NUP210L: variants seen among roughly 807,000 people sequenced by gnomAD.
NUP210L encodes the protein nuclear pore membrane glycoprotein 210-like.
Under a neutral mutation model 208.5 loss-of-function variants are expected in NUP210L, and 74 were observed. The ratio of observed to expected loss-of-function variants is 0.35; its 90% confidence interval spans 0.29 to 0.43. The LOEUF (loss-of-function observed/expected upper bound fraction) is 0.43, where lower values mean the gene tolerates loss of function less well. Among genes scored for constraint, NUP210L ranks in the 20% least tolerant of loss-of-function variants. The probability of loss-of-function intolerance (pLI) is 1.00; values close to 1 mark genes in which losing one functional copy is unlikely to be tolerated. For missense variants in NUP210L, 1,843 were observed against 2,289.4 expected (o/e 0.81, Z 3.98); for synonymous variants, 780 against 816.9 (o/e 0.95, Z 0.77).
At chr1:154,116,792 T>C (rs1657356350) in intron 12 of NUP210L, among the ~76,000 whole-genome samples, 1 of 152,158 alleles carries the variant, frequency 6.6e-6, no homozygotes, top group Non-Finnish European at 1.5e-5. Flanking sequence ...AAAAGAGTTT[T>C]CAATCTTTTA....
chr1:154,001,716 G>C lies in NUP210L; in HGVS notation c.5181+19C>G, dbSNP rs756865069. 1 of 1,610,188 alleles carries C rather than the reference G, an allele frequency of 6.2e-7. No individual in the cohort carries two copies. Among genetic ancestry groups the C allele is most frequent in the Admixed American group, 1.7e-5 (1 of 59,842 alleles). Reference sequence around the variant, plus strand: ...AATTCCTGATCTCTTGTTCTGTTTTGGTTCAGTTCTTAACATACCTCTAGC... The same window carrying C: ...AATTCCTGATCTCTTGTTCTGTTTTCGTTCAGTTCTTAACATACCTCTAGC... On this transcript the variant is annotated intron_variant, in intron 36 of 39. Transcript: ENST00000368559.
chr1:154,122,015 AACTC>A (rs1657639311), intron 10 of NUP210L, among the ~76,000 whole-genome samples: 2 of 152,220 alleles, frequency 1.3e-5, no homozygotes, highest in Admixed American at 1.3e-4. Context: ...CTCTTTGAAA[AACTC>A]AATAACATTT....
At chr1:154,084,431 T>G (rs1655518384) in intron 16 of NUP210L, among the ~76,000 whole-genome samples, 1 of 151,694 alleles carries the variant, frequency 6.6e-6, no homozygotes, top group African/African-American at 2.4e-5. Context: ...AGGCTGGTCT[T>G]GAACTTCTGA....
intron 37 of NUP210L, among the ~76,000 whole-genome samples, chr1:153,997,341 A>T (rs372172573): frequency 6.7e-6 from 1 of 150,146 alleles, no homozygotes; most frequent in Non-Finnish European, 1.5e-5. Context: ...AGGTCTCTCT[A>T]TGTTGCGCAG....
At chr1:154,103,667 G>A (rs574785909) in intron 13 of NUP210L, among the ~76,000 whole-genome samples, 3 of 115,556 alleles carry the variant, frequency 2.6e-5, no homozygotes, top group Admixed American at 1.0e-4. Flanking sequence ...GCGAGACTCC[G>A]TCTCAAAAAA....
intron 33 of NUP210L, among the ~76,000 whole-genome samples, chr1:154,017,779 G>T (rs1651343925): frequency 6.6e-6 from 1 of 152,018 alleles, no homozygotes; most frequent in African/African-American, 2.4e-5. Flanking sequence ...GCCTCCCAAG[G>T]TGCTGGGATT....
chr1:154,087,804 AAC>A (rs1378380659), intron 16 of NUP210L, among the ~76,000 whole-genome samples: 1 of 152,210 alleles, frequency 6.6e-6, no homozygotes, highest in Non-Finnish European at 1.5e-5. Flanking sequence ...GAAACTTGAA[AAC>A]ATGCTAAATG....
intron 7 of NUP210L, 83 bp from the exon 8 acceptor site, chr1:154,129,428 C>A: frequency 1.2e-6 from 1 of 834,466 alleles, no homozygotes; most frequent in Non-Finnish European, 2.0e-6. Context: ...AACAAACAAA[C>A]AAATGCACAA....
intron 1 of NUP210L, among the ~76,000 whole-genome samples, 191 bp downstream of exon 1, chr1:154,154,651 T>G (rs112046556): frequency 6.6e-6 from 1 of 152,188 alleles, no homozygotes; most frequent in East Asian, 1.9e-4. Flanking sequence ...ATATACCACA[T>G]GAGTAGGACA....
intron 2 of NUP210L, among the ~76,000 whole-genome samples, chr1:154,149,526 C>A (rs569713405): frequency 6.6e-6 from 1 of 152,168 alleles, no homozygotes; most frequent in East Asian, 1.9e-4. Flanking sequence ...GCCTGAGCAA[C>A]CCCACTACCA....
chr1:154,110,154 G>C (rs1656971099), intron 12 of NUP210L, among the ~76,000 whole-genome samples: 1 of 149,512 alleles, frequency 6.7e-6, no homozygotes, highest in Non-Finnish European at 1.5e-5. Flanking sequence ...AGAATCACTT[G>C]AACCCAGGAG....
At chr1:154,009,222 A>G (rs1269681800) in intron 35 of NUP210L, among the ~76,000 whole-genome samples, 1 of 151,968 alleles carries the variant, frequency 6.6e-6, no homozygotes, top group Non-Finnish European at 1.5e-5. Flanking sequence ...TATACCTTAC[A>G]TTTGATATGA....
chr1:154,045,970 G>T, intron 27 of NUP210L, 99 bp downstream of exon 27: 1 of 1,120,486 alleles, frequency 8.9e-7, no homozygotes, highest in Non-Finnish European at 1.2e-6. Flanking sequence ...GGGGGACAGA[G>T]TGAGACCTCA....
intron 17 of NUP210L, among the ~76,000 whole-genome samples, chr1:154,062,426 G>A (rs1168807117): frequency 6.6e-6 from 1 of 152,022 alleles, no homozygotes; most frequent in Non-Finnish European, 1.5e-5. Flanking sequence ...ATGGCTAACT[G>A]TTCTTAATTA....
intron 10 of NUP210L, among the ~76,000 whole-genome samples, chr1:154,119,094 T>A (rs548476304): frequency 7.2e-5 from 11 of 152,212 alleles, no homozygotes; most frequent in African/African-American, 1.4e-4. Context: ...AGAGGTTTTT[T>A]AAAAAATCAA....
chr1:154,110,103 C>T (rs970175254), intron 12 of NUP210L, among the ~76,000 whole-genome samples: 2 of 150,332 alleles, frequency 1.3e-5, no homozygotes, highest in East Asian at 2.0e-4. Context: ...GGCATGGAAA[C>T]GTGCACCTGT....
chr1:154,119,371 T>A (rs1657495676), intron 10 of NUP210L, among the ~76,000 whole-genome samples: 1 of 152,030 alleles, frequency 6.6e-6, no homozygotes, highest in African/African-American at 2.4e-5. Context: ...GTGGACCACC[T>A]GAGGTCAGGA....
exon 28 of NUP210L, chr1:154,030,026 T>C: frequency 6.2e-7 from 1 of 1,608,662 alleles, no homozygotes; most frequent in Non-Finnish European, 8.5e-7. Context: ...CATGGCAAAG[T>C]TATGCTCTAC....
At chr1:154,046,100 T>A (rs752885650) in exon 27 of NUP210L, 2 of 1,613,926 alleles carry the variant, frequency 1.2e-6, no homozygotes, top group African/African-American at 2.7e-5. Context: ...ATCCAATACA[T>A]CCCTTTTGCT....
Sources: allele counts gnomAD v4.1 joint callset (sites outside exome capture counted in the v4.1 genomes callset), GRCh38; gene constraint gnomAD v4.1.1; transcripts MANE v1.5; gene names NCBI Gene and HGNC (gene_info 2026-07-23, HGNC 2026-07-21).